The following ZBBX variants were observed in gnomAD, a reference collection of about 807,000 sequenced individuals.
The protein encoded by ZBBX is zinc finger B-box domain containing, also known as zinc finger B-box domain-containing protein 1.
ZBBX carries 101 observed loss-of-function variants against 108.5 expected under a neutral mutation model. The ratio of observed to expected loss-of-function variants is 0.93; its 90% confidence interval spans 0.79 to 1.10. ZBBX has a LOEUF of 1.10. Among genes scored for constraint, ZBBX ranks in the 50% least tolerant of loss-of-function variants. The pLI, the probability that ZBBX is intolerant of heterozygous loss-of-function variation, is 0.00. For synonymous variants in ZBBX, 356 were observed against 323.4 expected (o/e 1.10, Z -1.08); for missense variants, 1,009 against 941.4 (o/e 1.07, Z -0.94).
At chr3:167,206,683 C>T in the ZBBX span, among the ~76,000 whole-genome samples, 1 of 151,810 alleles carries the variant, frequency 6.6e-6, no homozygotes, top group Non-Finnish European at 1.5e-5. Context: ...CCCCTAATAG[C>T]AAAAACAGTC....
At chr3:167,350,344 TAA>T in intron 9 of ZBBX, 74 bp downstream of exon 9, 1 of 1,162,064 alleles carries the variant, frequency 8.6e-7, no homozygotes, top group Admixed American at 2.2e-5. Context: ...TCTAGATAAC[TAA>T]AGACATTTTA....
At chr3:167,322,868 A>C (rs1736677918) in intron 11 of ZBBX, among the ~76,000 whole-genome samples, 1 of 151,918 alleles carries the variant, frequency 6.6e-6, no homozygotes, top group South Asian at 2.1e-4. Flanking sequence ...ATCACAGGGG[A>C]AAAAAAATGT....
rs1377979149 is a variant in ZBBX, at chr3:167,259,960, T to C, written c.2255-17317A>G. Reference sequence around the variant, plus strand: ...ATTAAGCTTTAAACAGGTTCTGTTTTGATGTGTTTCTAGGGTTTGTTTCAA... The same window carrying C: ...ATTAAGCTTTAAACAGGTTCTGTTTCGATGTGTTTCTAGGGTTTGTTTCAA... On this transcript the variant is annotated intron_variant, in intron 20 of 21. Coordinates refer to ENST00000675490, the MANE Select transcript of ZBBX (RefSeq NM_001199201.2). 2.6e-5 allele frequency among the ~76,000 whole-genome samples: 4 copies of C among 152,206 alleles called. No individual in the cohort carries two copies. In the East Asian group the frequency reaches 7.7e-4, roughly 29 times the overall value.
chr3:167,325,074 T>A (rs573597838), intron 11 of ZBBX, among the ~76,000 whole-genome samples: 19 of 152,120 alleles, frequency 1.2e-4, no homozygotes, highest in Non-Finnish European at 2.1e-4. Context: ...ATAAAAACAA[T>A]CTCATCTAAT....
At chr3:167,196,880 T>A in the ZBBX span, among the ~76,000 whole-genome samples, 3 of 152,164 alleles carry the variant, frequency 2.0e-5, no homozygotes, top group Non-Finnish European at 4.4e-5. Flanking sequence ...TATTATCGAA[T>A]TCATTCAACA....
chr3:167,254,610 T>C (rs1723150199), intron 20 of ZBBX, among the ~76,000 whole-genome samples: 1 of 152,102 alleles, frequency 6.6e-6, no homozygotes, highest in Non-Finnish European at 1.5e-5. Context: ...TAAGTAATAC[T>C]TTTTTAAAGA....
intron 20 of ZBBX, among the ~76,000 whole-genome samples, chr3:167,262,810 T>C (rs1030399427): frequency 3.3e-5 from 5 of 152,188 alleles, no homozygotes; most frequent in African/African-American, 1.2e-4. Context: ...AGTTGTAATG[T>C]CTTCTTTTTC....
the ZBBX span, among the ~76,000 whole-genome samples, chr3:167,220,841 C>CA: frequency 1.3e-5 from 2 of 151,656 alleles, no homozygotes; most frequent in Non-Finnish European, 3.0e-5. Flanking sequence ...TAAAGACCAC[C>CA]AAAAAACTGT....
intron 20 of ZBBX, among the ~76,000 whole-genome samples, chr3:167,273,431 G>A (rs1291531143): frequency 6.6e-6 from 1 of 152,090 alleles, no homozygotes; most frequent in Non-Finnish European, 1.5e-5. Flanking sequence ...ATTGTGGCAA[G>A]CTCTCTCTCT....
the ZBBX span, among the ~76,000 whole-genome samples, chr3:167,212,564 C>T: frequency 6.6e-6 from 1 of 152,196 alleles, no homozygotes; most frequent in Non-Finnish European, 1.5e-5. Context: ...CAGCTTGTTA[C>T]CAGACAAGGA....
At chr3:167,179,804 G>A in the ZBBX span, among the ~76,000 whole-genome samples, 1 of 152,154 alleles carries the variant, frequency 6.6e-6, no homozygotes. Flanking sequence ...TTTAAATTTA[G>A]TTATTTTAGG....
intron 18 of ZBBX, among the ~76,000 whole-genome samples, chr3:167,296,007 G>A (rs916285632): frequency 1.2e-4 from 18 of 151,426 alleles, no homozygotes; most frequent in Non-Finnish European, 2.5e-4. Flanking sequence ...AATCTTCAAA[G>A]TACAAGCAAA....
intron 9 of ZBBX, among the ~76,000 whole-genome samples, chr3:167,342,492 A>G (rs574229900): frequency 2.0e-5 from 3 of 151,742 alleles, no homozygotes; most frequent in African/African-American, 4.8e-5. Context: ...CCATTCCAAA[A>G]TATGTGTAAC....
the ZBBX span, among the ~76,000 whole-genome samples, chr3:167,180,025 G>T: frequency 5.3e-5 from 8 of 152,004 alleles, no homozygotes; most frequent in African/African-American, 1.9e-4. Flanking sequence ...TATCATAGTA[G>T]CAATTTGATC....
At chr3:167,262,749 T>A (rs1440312868) in intron 20 of ZBBX, among the ~76,000 whole-genome samples, 1 of 152,210 alleles carries the variant, frequency 6.6e-6, no homozygotes, top group Non-Finnish European at 1.5e-5. Context: ...AGTTTATTGT[T>A]ATATAATTGC....
chr3:167,198,710 G>GT, the ZBBX span, among the ~76,000 whole-genome samples: 2 of 152,132 alleles, frequency 1.3e-5, no homozygotes, highest in Admixed American at 1.3e-4. Flanking sequence ...ATACATAGCT[G>GT]TTTTTTGAGT....
At chr3:167,187,911 A>C in the ZBBX span, among the ~76,000 whole-genome samples, 1 of 152,222 alleles carries the variant, frequency 6.6e-6, no homozygotes, top group Admixed American at 6.5e-5. Context: ...TAAAACAGTT[A>C]ATATTTGCAA....
intron 20 of ZBBX, among the ~76,000 whole-genome samples, chr3:167,259,373 T>C (rs1309164801): frequency 6.6e-6 from 1 of 152,202 alleles, no homozygotes; most frequent in African/African-American, 2.4e-5. Flanking sequence ...CTTTTCTTGG[T>C]TAATGTTGTT....
At chr3:167,208,317 G>A in the ZBBX span, among the ~76,000 whole-genome samples, 733 of 152,312 alleles carry the variant, frequency 4.8e-3, 4 homozygotes, top group African/African-American at 0.017. Context: ...GTGACCCAGC[G>A]AGAAACCAGC....
Sources: allele counts gnomAD v4.1 joint callset (sites outside exome capture counted in the v4.1 genomes callset), GRCh38; gene constraint gnomAD v4.1.1; transcripts MANE v1.5; gene names NCBI Gene and HGNC (gene_info 2026-07-23, HGNC 2026-07-21).